The following CNTNAP3 variants were observed in gnomAD, a reference collection of about 807,000 sequenced individuals.
CNTNAP3 encodes the protein contactin-associated protein-like 3.
A neutral mutation model predicts 92.1 loss-of-function variants in CNTNAP3; 36 were observed. The ratio of observed to expected loss-of-function variants is 0.39; its 90% CI spans 0.30 to 0.52. The LOEUF (loss-of-function observed/expected upper bound fraction) is 0.52. CNTNAP3 is among the 20% of genes least tolerant of loss of function. The probability of loss-of-function intolerance (pLI) is 0.76; values close to 1 mark genes in which losing one functional copy is unlikely to be tolerated. For missense variants in CNTNAP3, 534 were observed against 1,069.6 expected (o/e 0.50, Z 6.98); for synonymous variants, 232 against 422.3 (o/e 0.55, Z 5.53).
intron 23 of CNTNAP3, among the ~76,000 whole-genome samples, chr9:39,076,370 T>C (rs1420956171): frequency 2.6e-5 from 4 of 152,284 alleles, no homozygotes; most frequent in African/African-American, 9.6e-5. Context: ...TGATTTAGGA[T>C]TGGATTTGAT....
intron 21 of CNTNAP3, among the ~76,000 whole-genome samples, chr9:39,083,443 A>G (rs1240223741): frequency 2.0e-5 from 3 of 151,952 alleles, no homozygotes; most frequent in Non-Finnish European, 4.4e-5. Flanking sequence ...GGTGGATCAC[A>G]AGGTCAGGAA....
chr9:39,132,336 C>T (rs1758269), intron 13 of CNTNAP3, among the ~76,000 whole-genome samples: 2 of 152,038 alleles, frequency 1.3e-5, no homozygotes, highest in East Asian at 3.9e-4. Context: ...TTGATGCAGG[C>T]AGAGTTTCCA....
At chr9:39,142,239 T>C (rs1212065295) in intron 11 of CNTNAP3, among the ~76,000 whole-genome samples, 1 of 152,144 alleles carries the variant, frequency 6.6e-6, no homozygotes, top group East Asian at 1.9e-4. Flanking sequence ...CACACAAGAT[T>C]AGGCTTCTGC....
rs1237385362 is a variant in CNTNAP3 at position 39,070,666 on chromosome 9, C to A, written c.*3224G>T. On this transcript the variant is annotated 3_prime_UTR_variant, in exon 24 of 24. Transcript: ENST00000297668. ...AAACTTAACTGCATATTTTAAAATA[C>A]AGAGTGTAATCAGGTTGTTTGTAAC... Among the ~76,000 whole-genome samples, 3 of 152,024 alleles carry A rather than the reference C, an allele frequency of 2.0e-5. No individual in the cohort carries two copies. The highest frequency in any genetic ancestry group is 6.5e-5 in the Admixed American group (1 of 15,274).
intron 19 of CNTNAP3, among the ~76,000 whole-genome samples, chr9:39,087,801 T>C (rs1490569524): frequency 6.6e-6 from 1 of 152,164 alleles, no homozygotes; most frequent in Non-Finnish European, 1.5e-5. Flanking sequence ...AGAGATTTTG[T>C]AGATTTTTTT....
At position 39,202,392 on chromosome 9, in the gene CNTNAP3, A is replaced by C. The variant is rs1822545281; in HGVS notation, c.391-9117T>G. ...AAGTCTCAGGATACAAAATCAATGT[A>C]CAAAAATCACAAGCATTCTTATACA... On this transcript the variant is annotated intron_variant, in intron 3 of 23. Coordinates refer to ENST00000297668, the MANE Select transcript of CNTNAP3 (RefSeq NM_033655.5). Among the ~76,000 whole-genome samples the C allele has an allele frequency of 6.9e-5, 2 of 29,072 alleles. 1 individual carries two copies. The highest frequency in any genetic ancestry group is 2.2e-4 in the Non-Finnish European group (2 of 9,226). The allele number at this position is 29,072 out of a possible 152,430, so 19.1% of individuals were successfully genotyped here.
chr9:39,118,298 C>G, intron 13 of CNTNAP3, 39 bp from the exon 14 acceptor site: 1 of 1,612,376 alleles, frequency 6.2e-7, no homozygotes, highest in Non-Finnish European at 8.5e-7. Flanking sequence ...TCTACTTTGT[C>G]CCTCACTACC....
chr9:39,089,679 C>A (rs1320460282), intron 18 of CNTNAP3, among the ~76,000 whole-genome samples: 2 of 152,124 alleles, frequency 1.3e-5, no homozygotes, highest in Non-Finnish European at 2.9e-5. Context: ...ACATTCCAAA[C>A]AGCAATTATG....
chr9:39,138,668 T>C (rs1301521753), intron 12 of CNTNAP3, among the ~76,000 whole-genome samples: 2 of 152,232 alleles, frequency 1.3e-5, no homozygotes, highest in East Asian at 1.9e-4. Context: ...CTCACAGAAG[T>C]GTGGGGACCC....
chr9:39,089,206 C>T (rs1826135889), intron 18 of CNTNAP3, among the ~76,000 whole-genome samples: 1 of 152,150 alleles, frequency 6.6e-6, no homozygotes, highest in African/African-American at 2.4e-5. Flanking sequence ...CAGTCATTCT[C>T]TGTTTCTCCC....
chr9:39,110,310 C>A (rs2778201), intron 14 of CNTNAP3, among the ~76,000 whole-genome samples: 6 of 150,044 alleles, frequency 4.0e-5, no homozygotes, highest in Non-Finnish European at 5.9e-5. Context: ...GTGGGAGGAT[C>A]CCTTGAGCCT....
chr9:39,146,890 AT>A (rs1441596014), intron 10 of CNTNAP3, among the ~76,000 whole-genome samples: 12 of 150,974 alleles, frequency 7.9e-5, no homozygotes, highest in Non-Finnish European at 1.6e-4. Flanking sequence ...TACTTTGTGA[AT>A]TAGTGATACG....
At chr9:39,093,127 C>T (rs1826246577) in intron 18 of CNTNAP3, among the ~76,000 whole-genome samples, 1 of 124,756 alleles carries the variant, frequency 8.0e-6, no homozygotes, top group Admixed American at 7.7e-5. Flanking sequence ...CCTTAGACAG[C>T]ATATAGTTAA....
At chr9:39,110,446 T>C (rs1235293595) in intron 14 of CNTNAP3, among the ~76,000 whole-genome samples, 2 of 152,140 alleles carry the variant, frequency 1.3e-5, no homozygotes, top group Admixed American at 6.5e-5. Context: ...CGCTCACCTT[T>C]TGTCAAACAG....
chr9:39,147,697 C>G (rs7040247), intron 10 of CNTNAP3, among the ~76,000 whole-genome samples: 1,852 of 152,168 alleles, frequency 0.012, 29 homozygotes, highest in African/African-American at 0.042. Context: ...AATTTGGAGG[C>G]CTTTTTAAAA....
chr9:39,074,158 G>C (rs1379695591), intron 23 of CNTNAP3, 147 bp from the exon 24 acceptor site: 1 of 1,268,908 alleles, frequency 7.9e-7, no homozygotes, highest in African/African-American at 1.5e-5. Flanking sequence ...GAGACTATAG[G>C]CCCACTCCAC....
chr9:39,106,475 G>A (rs1758532), intron 15 of CNTNAP3: 7 of 152,100 alleles, frequency 4.6e-5, no homozygotes, highest in East Asian at 3.9e-4. Flanking sequence ...TGTAAGAGAC[G>A]GGGTCTTACC....
rs1825571388 is a variant in CNTNAP3 at position 39,068,794 on chromosome 9, G to A, written c.*5096C>T. Among the ~76,000 whole-genome samples, 1 of 152,428 alleles carries A rather than the reference G, an allele frequency of 6.6e-6. No individual in the cohort carries two copies. Among genetic ancestry groups the A allele is most frequent in the Admixed American group, 6.5e-5 (1 of 15,314 alleles). On this transcript the variant is annotated 3_prime_UTR_variant, in exon 24 of 24. Coordinates refer to ENST00000297668, the MANE Select transcript of CNTNAP3 (RefSeq NM_033655.5). The stretch of plus-strand genomic sequence containing the variant: ...TCACTGCTGTCTCAAATTCTCTCAA[G>A]TTGTAAGCTGGGATACTCACAGCAC...
At chr9:39,097,721 G>T (rs559006704) in intron 18 of CNTNAP3, among the ~76,000 whole-genome samples, 31 of 145,346 alleles carry the variant, frequency 2.1e-4, no homozygotes, top group African/African-American at 7.8e-4. Context: ...TCCATATAGA[G>T]TGGAGCTTCC....
Sources: allele counts gnomAD v4.1 joint callset (sites outside exome capture counted in the v4.1 genomes callset), GRCh38; gene constraint gnomAD v4.1.1; transcripts MANE v1.5; gene names NCBI Gene and HGNC (gene_info 2026-07-23, HGNC 2026-07-21).